The following ETS1 variants were observed in gnomAD, a reference collection of about 807,000 sequenced individuals.
ETS1 encodes ETS proto-oncogene 1, transcription factor.
Under a neutral mutation model 58.6 loss-of-function variants are expected in ETS1, and 15 were observed. The ratio of observed to expected loss-of-function variants is 0.26; its 90% CI spans 0.17 to 0.39. The LOEUF (loss-of-function observed/expected upper bound fraction) is 0.39. Among genes scored for constraint, ETS1 ranks in the 10% least tolerant of loss-of-function variants. The pLI, the probability that ETS1 is intolerant of heterozygous loss-of-function variation, is 1.00. For missense variants in ETS1, 417 were observed against 610.5 expected (o/e 0.68, Z 3.34); for synonymous variants, 214 against 218.2 (o/e 0.98, Z 0.17).
At chr11:128,495,748 G>A (rs1862921932) in intron 3 of ETS1, among the ~76,000 whole-genome samples, 1 of 152,218 alleles carries the variant, frequency 6.6e-6, no homozygotes, top group Admixed American at 6.5e-5. Context: ...GGCGTGCATT[G>A]TTGATAACTT....
intron 8 of ETS1, among the ~76,000 whole-genome samples, chr11:128,473,747 G>A (rs1862249434): frequency 6.6e-6 from 1 of 152,226 alleles, no homozygotes; most frequent in Admixed American, 6.5e-5. Flanking sequence ...TCTTGAATGA[G>A]CCTCTACAAA....
intron 3 of ETS1, among the ~76,000 whole-genome samples, chr11:128,542,666 A>C (rs981657804): frequency 2.6e-5 from 4 of 152,256 alleles, no homozygotes; most frequent in African/African-American, 9.6e-5. Flanking sequence ...AACAAGAGAG[A>C]AGATAAAGAC....
At chr11:128,586,855 C>T (rs1301177225) in intron 1 of ETS1, among the ~76,000 whole-genome samples, 1 of 152,110 alleles carries the variant, frequency 6.6e-6, no homozygotes, top group Non-Finnish European at 1.5e-5. Flanking sequence ...CCAGCTCTAC[C>T]GTGGGGACAA....
At chr11:128,507,232 C>T (rs1003043004) in intron 3 of ETS1, among the ~76,000 whole-genome samples, 2 of 152,220 alleles carry the variant, frequency 1.3e-5, no homozygotes, top group African/African-American at 4.8e-5. Flanking sequence ...CCGGGCTCCA[C>T]CCTCCATGAG....
intron 3 of ETS1, among the ~76,000 whole-genome samples, chr11:128,504,234 G>A (rs992405056): frequency 4.6e-5 from 7 of 152,106 alleles, no homozygotes; most frequent in African/African-American, 1.7e-4. Context: ...TATAATTTTG[G>A]CCTCTATATC....
At chr11:128,538,085 A>G (rs915145157) in intron 3 of ETS1, among the ~76,000 whole-genome samples, 6 of 152,228 alleles carry the variant, frequency 3.9e-5, no homozygotes, top group Non-Finnish European at 5.9e-5. Flanking sequence ...CCACACAACT[A>G]TTAGTGACTT....
At chr11:128,500,761 A>C (rs912145809) in intron 3 of ETS1, among the ~76,000 whole-genome samples, 1 of 152,178 alleles carries the variant, frequency 6.6e-6, no homozygotes, top group African/African-American at 2.4e-5. Context: ...AGCCACAGGC[A>C]CTGAAGCAAC....
chr11:128,583,049 A>G (rs377618453), intron 1 of ETS1, among the ~76,000 whole-genome samples: 4 of 152,258 alleles, frequency 2.6e-5, no homozygotes, highest in African/African-American at 9.6e-5. Flanking sequence ...GGATCCTGTT[A>G]CAATGCAGTC....
At chr11:128,513,854 C>A (rs1166555901) in intron 3 of ETS1, among the ~76,000 whole-genome samples, 1 of 152,120 alleles carries the variant, frequency 6.6e-6, no homozygotes, top group African/African-American at 2.4e-5. Context: ...GAGTTTAAGA[C>A]CAGCCTGGGC....
chr11:128,490,971 C>T (rs1426382404), intron 3 of ETS1, among the ~76,000 whole-genome samples: 1 of 152,002 alleles, frequency 6.6e-6, no homozygotes, highest in Admixed American at 6.6e-5. Context: ...CCACCTGCCT[C>T]GGCCTCCCAA....
At chr11:128,497,640 A>T in intron 3 of ETS1, 1 of 963,062 alleles carries the variant, frequency 1.0e-6, no homozygotes, top group Non-Finnish European at 1.2e-6. Flanking sequence ...AAACAAATGA[A>T]AGCAGTTGTA....
intron 3 of ETS1, among the ~76,000 whole-genome samples, chr11:128,523,110 A>T (rs1863732974): frequency 1.3e-5 from 2 of 152,172 alleles, no homozygotes; most frequent in African/African-American, 4.8e-5. Context: ...CATTGGCCAA[A>T]GCTTTGTCTT....
At chr11:128,483,601 G>C (rs1027391270) in intron 7 of ETS1, among the ~76,000 whole-genome samples, 2 of 152,196 alleles carry the variant, frequency 1.3e-5, no homozygotes, top group African/African-American at 4.8e-5. Context: ...TAACACCCTG[G>C]GGCCTTAAGA....
At chr11:128,545,738 G>A (rs1864123573) in intron 3 of ETS1, among the ~76,000 whole-genome samples, 4 of 152,286 alleles carry the variant, frequency 2.6e-5, no homozygotes, top group East Asian at 1.9e-4. Context: ...CAGTTAAGAA[G>A]CAACATAGAA....
intron 3 of ETS1, among the ~76,000 whole-genome samples, chr11:128,530,875 C>T (rs1565399271): frequency 6.6e-6 from 1 of 152,198 alleles, no homozygotes; most frequent in South Asian, 2.1e-4. Context: ...TGGCTGGCAA[C>T]AAAATTCCAG....
chr11:128,474,899 A>G (rs1862281126), intron 8 of ETS1, among the ~76,000 whole-genome samples: 1 of 152,208 alleles, frequency 6.6e-6, no homozygotes, highest in Admixed American at 6.5e-5. Flanking sequence ...GATGGTCTAC[A>G]TTGAGACTGT....
intron 1 of ETS1, among the ~76,000 whole-genome samples, chr11:128,585,034 A>AGC: frequency 1.7e-4 from 1 of 6,008 alleles, no homozygotes; most frequent in African/African-American, 1.5e-3. Flanking sequence ...AAAGAAAGAA[A>AGC]AGAAAGAAAG....
chr11:128,557,012 A>C (rs1186410101), intron 2 of ETS1, among the ~76,000 whole-genome samples: 1 of 152,148 alleles, frequency 6.6e-6, no homozygotes, highest in East Asian at 1.9e-4. Context: ...AATTTTATGA[A>C]CTCCATAAAA....
intron 6 of ETS1, 97 bp downstream of exon 6, chr11:128,485,972 G>T: frequency 1.4e-6 from 1 of 731,192 alleles, no homozygotes. Flanking sequence ...TATTATTTTT[G>T]ATAGAATTAC....
Sources: gnomAD v4.1 joint callset for allele counts (sites outside exome capture counted in the v4.1 genomes callset) on GRCh38, gnomAD v4.1.1 for gene constraint, MANE v1.5 for transcripts, NCBI Gene and HGNC (gene_info 2026-07-23, HGNC 2026-07-21) for gene names.